ZMYM5: variants seen among roughly 807,000 people sequenced by gnomAD.
ZMYM5 encodes the protein zinc finger MYM-type containing 5, also known as zinc finger MYM-type protein 5.
ZMYM5 carries 41 observed loss-of-function variants against 61.8 expected under a neutral mutation model. The observed-to-expected ratio is 0.66, with a 90% CI of 0.52 to 0.86. The LOEUF (loss-of-function observed/expected upper bound fraction) is 0.86. ZMYM5 is among the 40% of genes least tolerant of loss of function. The pLI is 0.00. For missense variants in ZMYM5, 706 were observed against 786.7 expected (o/e 0.90, Z 1.23); for synonymous variants, 257 against 276.4 (o/e 0.93, Z 0.70).
intron 4 of ZMYM5, among the ~76,000 whole-genome samples, chr13:19,849,506 A>G (rs1207918911): frequency 6.6e-6 from 1 of 152,204 alleles, no homozygotes; most frequent in Non-Finnish European, 1.5e-5. Flanking sequence ...AGTGCTCTAA[A>G]TTATATTTTT....
chr13:19,853,343 G>A (rs575961845), intron 2 of ZMYM5, among the ~76,000 whole-genome samples: 83 of 152,286 alleles, frequency 5.5e-4, no homozygotes, highest in African/African-American at 1.6e-3. Context: ...AATTGATCAC[G>A]TATAAGGATC....
chr13:19,831,798 A>AC (rs1341850021), intron 7 of ZMYM5, among the ~76,000 whole-genome samples: 3 of 150,228 alleles, frequency 2.0e-5, no homozygotes, highest in South Asian at 2.1e-4. Context: ...AAAAAAAAAA[A>AC]AAAAAAAAAA....
intron 7 of ZMYM5, among the ~76,000 whole-genome samples, chr13:19,830,675 A>C (rs189410949): frequency 6.6e-6 from 1 of 151,628 alleles, no homozygotes; most frequent in South Asian, 2.1e-4. Flanking sequence ...CTGGGACTAC[A>C]GGTATGTGTC....
intron 4 of ZMYM5, among the ~76,000 whole-genome samples, chr13:19,849,410 C>A (rs535779740): frequency 6.6e-6 from 1 of 152,224 alleles, no homozygotes; most frequent in South Asian, 2.1e-4. Context: ...AGGGGTGTGC[C>A]ACTGCACCCA....
At chr13:19,840,364 T>G (rs1033833392) in intron 4 of ZMYM5, among the ~76,000 whole-genome samples, 4 of 152,070 alleles carry the variant, frequency 2.6e-5, no homozygotes, top group African/African-American at 9.7e-5. Context: ...AAAATAAAAT[T>G]AGCTGGGTGT....
intron 4 of ZMYM5, among the ~76,000 whole-genome samples, chr13:19,844,708 G>A (rs1953012814): frequency 6.6e-6 from 1 of 152,122 alleles, no homozygotes; most frequent in Non-Finnish European, 1.5e-5. Flanking sequence ...TGCAATCTCT[G>A]CCTCCAGGGT....
intron 7 of ZMYM5, among the ~76,000 whole-genome samples, chr13:19,830,839 C>CTTTT (rs1160103759): frequency 4.6e-5 from 6 of 129,584 alleles, no homozygotes; most frequent in Non-Finnish European, 8.2e-5. Context: ...GTTACTTTTT[C>CTTTT]TTTTTTTTTT....
At chr13:19,859,702 C>T (rs1382106892) in intron 2 of ZMYM5, among the ~76,000 whole-genome samples, 4 of 151,896 alleles carry the variant, frequency 2.6e-5, no homozygotes, top group South Asian at 2.1e-4. Flanking sequence ...CTACTGTGCC[C>T]GGCCTTTAGT....
At chr13:19,837,620 T>A in intron 6 of ZMYM5, 36 bp downstream of exon 6, 1 of 1,604,124 alleles carries the variant, frequency 6.2e-7, no homozygotes. Flanking sequence ...TTATCACTGT[T>A]AGCCTAAACA....
At chr13:19,837,314 C>T (rs555441144) in intron 6 of ZMYM5, 60 of 802,034 alleles carry the variant, frequency 7.5e-5, no homozygotes, top group Admixed American at 1.8e-4. Flanking sequence ...CCACCACGTC[C>T]GGCCCCAAGG....
chr13:19,835,982 C>T (rs913107610), intron 6 of ZMYM5, among the ~76,000 whole-genome samples: 1 of 152,106 alleles, frequency 6.6e-6, no homozygotes, highest in Non-Finnish European at 1.5e-5. Flanking sequence ...CGCCACCACG[C>T]CCAGCTAATT....
chr13:19,829,070 G>A (rs1891070225), intron 7 of ZMYM5, among the ~76,000 whole-genome samples: 1 of 151,978 alleles, frequency 6.6e-6, no homozygotes, highest in South Asian at 2.1e-4. Context: ...CCACTGCACA[G>A]CAGCCTGGGT....
At chr13:19,843,192 A>G (rs1042461429) in intron 4 of ZMYM5, among the ~76,000 whole-genome samples, 3 of 150,164 alleles carry the variant, frequency 2.0e-5, no homozygotes, top group Non-Finnish European at 3.0e-5. Flanking sequence ...ATCTTGGCTC[A>G]CTGCAACCTC....
chr13:19,827,486 T>TAA (rs895910302), intron 7 of ZMYM5, among the ~76,000 whole-genome samples: 5 of 152,184 alleles, frequency 3.3e-5, no homozygotes, highest in Middle Eastern at 3.2e-3. Flanking sequence ...ACAATGTGCT[T>TAA]AAAAAGCAGC....
At chr13:19,839,101 G>A in intron 4 of ZMYM5, 116 bp from the exon 5 acceptor site, 1 of 1,256,360 alleles carries the variant, frequency 8.0e-7, no homozygotes, top group South Asian at 1.5e-5. Context: ...ATAAACATGT[G>A]GTTAAGGCCA....
chr13:19,850,947 GC>G (rs1395163377), intron 4 of ZMYM5, among the ~76,000 whole-genome samples: 7 of 152,152 alleles, frequency 4.6e-5, no homozygotes, highest in Non-Finnish European at 1.0e-4. Context: ...GGTGGCTCAC[GC>G]CTGTAATTCC....
chr13:19,829,343 G>C (rs918316383), intron 7 of ZMYM5, among the ~76,000 whole-genome samples: 35 of 152,126 alleles, frequency 2.3e-4, no homozygotes, highest in African/African-American at 7.5e-4. Flanking sequence ...CCGGAGTGCA[G>C]TGATGAAATC....
intron 2 of ZMYM5, 42 bp downstream of exon 2, chr13:19,862,352 AATTAT>A (rs1161995888): frequency 6.6e-6 from 1 of 152,016 alleles, no homozygotes; most frequent in Non-Finnish European, 1.5e-5. Context: ...CTACTGCACT[AATTAT>A]ATTAGACAGC....
intron 3 of ZMYM5, 116 bp downstream of exon 3, chr13:19,851,573 A>C: frequency 6.5e-7 from 1 of 1,541,062 alleles, no homozygotes; most frequent in Non-Finnish European, 8.8e-7. Context: ...AATTATGTTC[A>C]CATCTTGCCC....
Sources: gnomAD v4.1 joint callset for allele counts (sites outside exome capture counted in the v4.1 genomes callset) on GRCh38, gnomAD v4.1.1 for gene constraint, MANE v1.5 for transcripts, NCBI Gene and HGNC (gene_info 2026-07-23, HGNC 2026-07-21) for gene names.